Variants in WNK2 observed in about 807,000 individuals in gnomAD.
The protein encoded by WNK2 is WNK lysine deficient protein kinase 2, also known as serine/threonine-protein kinase WNK2.
WNK2 carries 67 observed loss-of-function variants against 192.1 expected under a neutral mutation model. The ratio of observed to expected loss-of-function variants is 0.35; its 90% CI spans 0.29 to 0.43. WNK2 has a LOEUF of 0.43. Ranked by LOEUF, WNK2 falls within the 20% of genes least tolerant of loss-of-function variation. The pLI is 1.00. For synonymous variants in WNK2, 1,439 were observed against 1,393.9 expected (o/e 1.03, Z -0.72); for missense variants, 2,698 against 3,089.7 (o/e 0.87, Z 3.01).
intron 28 of WNK2, among the ~76,000 whole-genome samples, chr9:93,310,824 C>A (rs1350481191): frequency 1.3e-5 from 2 of 152,128 alleles, no homozygotes; most frequent in Non-Finnish European, 2.9e-5. Context: ...ATCAGCCAGG[C>A]GTGGTTGCAC....
At chr9:93,234,447 T>C (rs1839464015) in intron 4 of WNK2, among the ~76,000 whole-genome samples, 2 of 152,190 alleles carry the variant, frequency 1.3e-5, no homozygotes, top group East Asian at 1.9e-4. Context: ...GCCGAGCCTG[T>C]GGCAGGATCA....
In WNK2 at chr9:93,261,954, C is replaced by T. The variant is rs1184100839; in HGVS notation, c.3207C>T (p.Phe1069=). 1.2e-6 allele frequency: 2 copies of T among 1,611,508 alleles called. No homozygotes were observed. The highest frequency in any genetic ancestry group is 8.5e-7 in the Non-Finnish European group (1 of 1,179,744). Residue 1069 remains phenylalanine, a synonymous_variant, in exon 13 of 30, where the codon TTC becomes TTT. Transcript: ENST00000427277. ...LPAAPELLPQ[F]PSSLATVSAS... is the part of the protein sequence containing the mutation. ...CCGCCCCTGAGCTCCTGCCTCAGTT[C>T]CCCAGCTCCCTGGCCACGGTGTCTG...
In WNK2 at chr9:93,288,849, G is replaced by A. The variant is rs12336575; in HGVS notation, c.4095G>A (p.Gln1365=). ...SKEQPSFLAS[Q]QLLSQAGPSN... ...AACAACCCAGCTTTCTAGCCAGTCA[G>A]CAGCTCCTGAGCCAGGCGGGCCCCA... The change falls in exon 20 of 30, where the codon CAG becomes CAA. Residue 1365 remains glutamine, a synonymous_variant. Transcript: ENST00000427277. The A allele has an allele frequency of 1.9e-6, 3 of 1,612,344 alleles. No individual in the cohort carries two copies. The highest frequency in any genetic ancestry group is 2.2e-5 in the South Asian group (2 of 90,952).
chr9:93,252,302 C>T (rs573710839), intron 8 of WNK2, among the ~76,000 whole-genome samples: 21 of 152,312 alleles, frequency 1.4e-4, no homozygotes, highest in Admixed American at 1.2e-3. Context: ...TGGGGGAGCT[C>T]AGGCCATGGG....
intron 18 of WNK2, 116 bp from the exon 19 acceptor site, chr9:93,268,511 T>C (rs919569379): frequency 1.8e-5 from 27 of 1,467,380 alleles, no homozygotes; most frequent in East Asian, 4.9e-5. Context: ...GAAAATCCCA[T>C]AGGTGTAAAG....
intron 2 of WNK2, among the ~76,000 whole-genome samples, chr9:93,222,654 G>A (rs1410744802): frequency 6.6e-6 from 1 of 152,098 alleles, no homozygotes; most frequent in Non-Finnish European, 1.5e-5. Context: ...TTTATTTGGT[G>A]GTGTCGGGAA....
At chr9:93,212,229 C>T (rs1393960771) in intron 2 of WNK2, among the ~76,000 whole-genome samples, 1 of 152,238 alleles carries the variant, frequency 6.6e-6, no homozygotes, top group Admixed American at 6.5e-5. Flanking sequence ...ATTTCATTCC[C>T]TTTCTTCCCA....
At chr9:93,307,004 C>T in intron 27 of WNK2, 183 bp downstream of exon 27, 2 of 707,384 alleles carry the variant, frequency 2.8e-6, no homozygotes, top group Non-Finnish European at 4.9e-6. Flanking sequence ...CTGTCCTCGG[C>T]TCCCCCGTGT....
intron 28 of WNK2, among the ~76,000 whole-genome samples, chr9:93,311,640 T>TGTGTGTGTGTGTGTGTG (rs1554755231): frequency 1.3e-5 from 2 of 151,644 alleles, no homozygotes; most frequent in African/African-American, 2.4e-5. Flanking sequence ...TGTGTGTGTG[T>TGTGTGTGTGTGTGTGTG]TTTGAGACGG....
chr9:93,230,275 G>C (rs1277092958), intron 3 of WNK2, among the ~76,000 whole-genome samples: 1 of 152,148 alleles, frequency 6.6e-6, no homozygotes, highest in Non-Finnish European at 1.5e-5. Context: ...GTGGGGATGA[G>C]GTGCTGCCTG....
rs148247231 is a variant in WNK2 at position 93,242,245 on chromosome 9, C to T, written c.1542+2269C>T. Among the ~76,000 whole-genome samples, 750 of 152,298 alleles carry T rather than the reference C, an allele frequency of 4.9e-3. 3 individuals are homozygous for T. Among genetic ancestry groups the T allele is most frequent in the East Asian group, 0.026 (135 of 5,180 alleles). ...TCCTGCAAGCTGGCTGCACTATCAC[C>T]GCAGATGCTGCAAAGTGGCCACCTG... On this transcript the variant is annotated intron_variant, in intron 7 of 29. Transcript: ENST00000427277.
chr9:93,305,609 T>C, intron 26 of WNK2, among the ~76,000 whole-genome samples: 1 of 152,300 alleles, frequency 6.6e-6, no homozygotes, highest in African/African-American at 2.4e-5. Context: ...GAGCTAGGTT[T>C]CCAAGTCCAG....
At chr9:93,319,651 C>T (rs1855258882) in intron 29 of WNK2, among the ~76,000 whole-genome samples, 1 of 152,236 alleles carries the variant, frequency 6.6e-6, no homozygotes, top group Non-Finnish European at 1.5e-5. Context: ...CCTCTTTGCT[C>T]CAGATGGGCC....
At chr9:93,226,391 T>G (rs1012359703) in intron 2 of WNK2, among the ~76,000 whole-genome samples, 1 of 152,280 alleles carries the variant, frequency 6.6e-6, no homozygotes, top group Non-Finnish European at 1.5e-5. Flanking sequence ...TCCATGTCTC[T>G]TAATGTTTCT....
intron 2 of WNK2, among the ~76,000 whole-genome samples, chr9:93,224,487 C>T (rs970500320): frequency 4.6e-5 from 7 of 152,060 alleles, no homozygotes; most frequent in African/African-American, 1.4e-4. Flanking sequence ...TGGGAAGGGC[C>T]GTTGGGACCA....
At chr9:93,263,357 T>A in intron 14 of WNK2, 1 of 617,460 alleles carries the variant, frequency 1.6e-6, no homozygotes, top group South Asian at 1.9e-5. Flanking sequence ...AGCCTGTGCT[T>A]CCTTCTGCCC....
At chr9:93,312,962 C>T (rs892144053) in intron 28 of WNK2, among the ~76,000 whole-genome samples, 1 of 152,186 alleles carries the variant, frequency 6.6e-6, no homozygotes, top group Admixed American at 6.6e-5. Context: ...ATTCTTTATT[C>T]TGCCTGCTCA....
At position 93,290,023 on chromosome 9, in the gene WNK2, C is replaced by G. The variant is rs776146443; in HGVS notation, c.4912C>G (p.Gln1638Glu). Residue 1638 changes from glutamine (Q) to glutamate (E), a missense_variant, in exon 21 of 30, where the codon CAG (glutamine) becomes GAG (glutamate). By Grantham distance (29) the Gln-to-Glu change is conservative. Transcript: ENST00000427277. ...CCCCACTCGAGGGGCCGTGATGGAG[C>G]AGGGCACGTCCTCGTCAATGACAGG... is the stretch of plus-strand genomic sequence containing the variant. ...LAPTRGAVME[Q>E]GTSSSMTAES... The G allele has an allele frequency of 1.3e-6, 2 of 1,577,118 alleles. No homozygotes were observed. Among genetic ancestry groups the G allele is most frequent in the Non-Finnish European group, 1.7e-6 (2 of 1,160,276 alleles).
In WNK2 at chr9:93,300,059, G is replaced by T; in HGVS notation, c.6124G>T (p.Val2042Phe). The T allele has an allele frequency of 6.2e-7, 1 of 1,613,336 alleles. No individual in the cohort carries two copies. Among genetic ancestry groups the T allele is most frequent in the Non-Finnish European group, 8.5e-7 (1 of 1,179,756 alleles). ...TTTATATTCATTTGCAGGCTGGACG[G>T]TTTACCACCCAACGTCTGAGAGAGT... Reference protein sequence around the residue: ...GGGARGQGWTVYHPTSERVTY... With the variant: ...GGGARGQGWTFYHPTSERVTY... The change falls in exon 26 of 30, where the codon GTT (valine) becomes TTT (phenylalanine). Residue 2042 changes from valine (V) to phenylalanine (F), a missense_variant. Around this residue, in one of 7 missense-constraint regions of WNK2, gnomAD observed 1,098 missense variants for 1,101.0 expected, o/e 1.00. Transcript: ENST00000427277.
Sources: allele counts gnomAD v4.1 joint callset (sites outside exome capture counted in the v4.1 genomes callset), GRCh38; gene constraint gnomAD v4.1.1; regional missense constraint gnomAD v4.1.1; transcripts MANE v1.5; gene names NCBI Gene and HGNC (gene_info 2026-07-23, HGNC 2026-07-21).